Variants in PTPRN2 observed in about 807,000 individuals in gnomAD.
The protein encoded by PTPRN2 is protein tyrosine phosphatase receptor type N2.
PTPRN2 carries 74 observed loss-of-function variants against 118.8 expected under a neutral mutation model. The observed-to-expected ratio is 0.62, with a 90% confidence interval of 0.52 to 0.76. The LOEUF (loss-of-function observed/expected upper bound fraction) is 0.76. Among genes scored for constraint, PTPRN2 ranks in the 30% least tolerant of loss-of-function variants. PTPRN2 has a pLI of 0.00. For missense variants in PTPRN2, 1,481 were observed against 1,394.4 expected (o/e 1.06, Z -0.99); for synonymous variants, 641 against 608.0 (o/e 1.05, Z -0.80).
intron 1 of PTPRN2, among the ~76,000 whole-genome samples, chr7:158,564,647 G>T (rs1422293330): frequency 6.6e-6 from 1 of 151,808 alleles, no homozygotes; most frequent in Non-Finnish European, 1.5e-5. Context: ...TACCTGGCTT[G>T]ACTCCTCACC....
intron 4 of PTPRN2, among the ~76,000 whole-genome samples, chr7:158,199,405 C>A (rs1826458565): frequency 6.6e-6 from 1 of 152,148 alleles, no homozygotes; most frequent in South Asian, 2.1e-4. Context: ...GCTTAAGGGA[C>A]CTCATGTGTG....
At chr7:158,162,642 A>ACTGCACGTCACCTGTTGTC (rs57876870) in intron 6 of PTPRN2, among the ~76,000 whole-genome samples, 94,938 of 150,962 alleles carry the variant, frequency 0.63, 30,535 homozygotes, top group East Asian at 0.79. Flanking sequence ...TTCACCGGCC[A>ACTGCACGTCACCTGTTGTC]CTGCACGTCA....
intron 11 of PTPRN2, among the ~76,000 whole-genome samples, chr7:157,904,064 T>G (rs1195215123): frequency 6.6e-6 from 1 of 152,218 alleles, no homozygotes. Context: ...TCCAGTGTGC[T>G]CTGGTCTCTT....
chr7:157,888,489 C>CAGGGG (rs1563210899), intron 12 of PTPRN2, among the ~76,000 whole-genome samples: 1 of 152,192 alleles, frequency 6.6e-6, no homozygotes, highest in African/African-American at 2.4e-5. Context: ...AGCTCCTGCT[C>CAGGGG]CAGGGGCCCC....
chr7:157,864,993 GC>G (rs1371878120), intron 12 of PTPRN2: 15 of 152,356 alleles, frequency 9.8e-5, no homozygotes, highest in African/African-American at 3.4e-4. Context: ...CTGAGGTCCA[GC>G]CCAAGGCTGT....
At chr7:158,572,056 A>T (rs182833288) in intron 1 of PTPRN2, among the ~76,000 whole-genome samples, 1 of 152,328 alleles carries the variant, frequency 6.6e-6, no homozygotes, top group African/African-American at 2.4e-5. Flanking sequence ...AAGGCAGGGA[A>T]GGTTCTAGAA....
intron 12 of PTPRN2, among the ~76,000 whole-genome samples, chr7:157,686,528 T>G (rs1236130294): frequency 6.6e-6 from 1 of 152,138 alleles, no homozygotes; most frequent in East Asian, 1.9e-4. Context: ...GCTTTGGTGG[T>G]CCTCAGCGCC....
chr7:158,365,861 C>CACACACAG lies in PTPRN2; in HGVS notation c.164-48930_164-48929insCTGTGTGT, dbSNP rs1361789098. On this transcript the variant is annotated intron_variant, in intron 2 of 22. Coordinates refer to ENST00000389418, the MANE Select transcript of PTPRN2 (RefSeq NM_002847.5). ...GCACACACACACACCCACACACACA[C>CACACACAG]AGCATCCCTGGGAGAAGCCGCAGCC... Among the ~76,000 whole-genome samples, 3 of 146,570 alleles carry CACACACAG rather than the reference C, an allele frequency of 2.0e-5. No individual in the cohort carries two copies. The South Asian group carries it at 6.7e-4, about 33-fold the overall frequency.
chr7:158,003,812 C>A lies in PTPRN2; in HGVS notation c.1723+77486G>T, dbSNP rs571832694. On this transcript the variant is annotated intron_variant, in intron 11 of 22. Coordinates refer to ENST00000389418, the MANE Select transcript of PTPRN2 (RefSeq NM_002847.5). The surrounding 1 kb of genome is among the most constrained non-coding windows in gnomAD (Gnocchi z 5.0). ...CAACACGCCAAGGCCAGTGGTAAAACGGGCCTCTGCTTTTTTTAAAGAATA... is the reference window on the plus strand; with the variant it reads ...CAACACGCCAAGGCCAGTGGTAAAAAGGGCCTCTGCTTTTTTTAAAGAATA... Among the ~76,000 whole-genome samples the A allele has an allele frequency of 6.6e-6, 1 of 152,188 alleles. No individual in the cohort carries two copies. Among genetic ancestry groups the A allele is most frequent in the South Asian group, 2.1e-4 (1 of 4,822 alleles).
Position 158,222,036 on chromosome 7 carries a change from CAT to C in PTPRN2, c.278-16765_278-16764del, listed in dbSNP as rs553646502. ...AAAACCAAAATGAGATACTATTTCA[CAT>C]GAGCCAGAATGAATATTTTTAAAAA... On this transcript the variant is annotated intron_variant, in intron 3 of 22. Transcript: ENST00000389418. Among the ~76,000 whole-genome samples the C allele has an allele frequency of 7.9e-5, 12 of 152,232 alleles. No individual in the cohort carries two copies. In the East Asian group the frequency reaches 1.9e-3, roughly 24 times the overall value.
Position 157,923,582 on chromosome 7 carries a change from T to C in PTPRN2, c.1724-24845A>G, listed in dbSNP as rs189534564. On this transcript the variant is annotated intron_variant, in intron 11 of 22. Transcript: ENST00000389418. ...CTTTGGAAGACTTTGCTCAAATTAT[T>C]TGGGGGCAAACGTCCAAATGTCAGA... Among the ~76,000 whole-genome samples the C allele has an allele frequency of 1.2e-4, 19 of 152,266 alleles. No homozygotes were observed. The East Asian group carries it at 3.5e-3, about 28-fold the overall frequency.
At position 158,151,895 on chromosome 7, in the gene PTPRN2, C is replaced by T. The variant is rs117625807; in HGVS notation, c.911-13380G>A. Among the ~76,000 whole-genome samples, 649 of 152,222 alleles carry T rather than the reference C, an allele frequency of 4.3e-3. 14 individuals carry two copies. The East Asian group carries it at 0.058, about 14-fold the overall frequency. On this transcript the variant is annotated intron_variant, in intron 6 of 22. Transcript: ENST00000389418. ...AACAAATAAAAACCATGAATGCGGC[C>T]GGGCGCGGTGGCTCACGCCTGTAAT...
At chr7:157,705,787 C>T (rs1343364930) in intron 12 of PTPRN2, among the ~76,000 whole-genome samples, 2 of 151,518 alleles carry the variant, frequency 1.3e-5, no homozygotes, top group African/African-American at 2.4e-5. Flanking sequence ...AAACGCGGAC[C>T]ATATCCCCCA....
intron 11 of PTPRN2, among the ~76,000 whole-genome samples, chr7:158,057,111 C>T (rs923259797): frequency 1.3e-5 from 2 of 152,260 alleles, no homozygotes; most frequent in Non-Finnish European, 2.9e-5. Context: ...CCGCTCAGCA[C>T]CTGTGGACGC....
intron 4 of PTPRN2, among the ~76,000 whole-genome samples, chr7:158,201,903 C>T (rs1304551450): frequency 1.3e-5 from 2 of 152,162 alleles, no homozygotes; most frequent in Non-Finnish European, 2.9e-5. Context: ...GCACCCTGAG[C>T]ACCCTGGGCC....
chr7:158,473,267 G>A (rs1290190472), intron 2 of PTPRN2, among the ~76,000 whole-genome samples: 1 of 152,106 alleles, frequency 6.6e-6, no homozygotes, highest in Admixed American at 6.5e-5. Context: ...TCTAAACACT[G>A]CAGCCACTCA....
At position 158,474,832 on chromosome 7, in the gene PTPRN2, G is replaced by A. The variant is rs369019821; in HGVS notation, c.163+14903C>T. 9.0e-4 allele frequency among the ~76,000 whole-genome samples: 137 copies of A among 152,362 alleles called. 1 individual carries two copies. The Middle Eastern group carries it at 0.017, about 19-fold the overall frequency. On this transcript the variant is annotated intron_variant, in intron 2 of 22. Transcript: ENST00000389418. The stretch of plus-strand genomic sequence containing the variant: ...TTTGGGGAAGCACTCGCTGTTCAGC[G>A]GGAGAGAAGTCAAAGAGAGAGGCCG...
intron 12 of PTPRN2, among the ~76,000 whole-genome samples, chr7:157,738,855 T>C (rs1800458389): frequency 6.6e-6 from 1 of 152,146 alleles, no homozygotes; most frequent in Non-Finnish European, 1.5e-5. Flanking sequence ...AAATTAGGGC[T>C]GTCCCACCAG....
At chr7:158,331,067 CCA>C (rs1170302800) in intron 2 of PTPRN2, among the ~76,000 whole-genome samples, 2 of 145,164 alleles carry the variant, frequency 1.4e-5, no homozygotes, top group Admixed American at 6.9e-5. Flanking sequence ...TCACTCACAC[CCA>C]CACTCTCACC....
Sources: gnomAD v4.1 joint callset for allele counts (sites outside exome capture counted in the v4.1 genomes callset) on GRCh38, gnomAD v4.1.1 for gene constraint, Gnocchi (gnomAD v3.1) non-coding constraint, MANE v1.5 for transcripts, NCBI Gene and HGNC (gene_info 2026-07-23, HGNC 2026-07-21) for gene names.